PDGFRA: variants seen among roughly 807,000 people sequenced by gnomAD.
The protein encoded by PDGFRA is platelet-derived growth factor receptor alpha.
Under a neutral mutation model 121.5 loss-of-function variants are expected in PDGFRA, and 25 were observed. The observed-to-expected ratio is 0.21, with a 90% CI of 0.15 to 0.29. The LOEUF (loss-of-function observed/expected upper bound fraction) is 0.29. Ranked by LOEUF, PDGFRA falls within the 10% of genes least tolerant of loss-of-function variation. PDGFRA has a pLI of 1.00. For synonymous variants in PDGFRA, 463 were observed against 494.8 expected, an observed-to-expected ratio of 0.94 and a Z score of 0.85; for missense variants, 1,008 against 1,345.1, an observed-to-expected ratio of 0.75 and a Z score of 3.92.
chr4:54,295,528 G>A lies in PDGFRA; in HGVS notation c.*256G>A. On this transcript the variant is annotated 3_prime_UTR_variant, in exon 23 of 23. Coordinates refer to ENST00000257290, the MANE Select transcript of PDGFRA (RefSeq NM_006206.6). Reference sequence around the variant, plus strand: ...GAAGTTTGGAGATAGATGGATAAGGGAATAATAGGCCACAGAAGGTGAACT... The same window carrying A: ...GAAGTTTGGAGATAGATGGATAAGGAAATAATAGGCCACAGAAGGTGAACT... The A allele has an allele frequency of 1.9e-6, 1 of 516,900 alleles. No homozygotes were observed. Among genetic ancestry groups the A allele is most frequent in the South Asian group, 2.2e-5 (1 of 46,332 alleles). The allele number at this position is 516,900 out of a possible 1,614,324, so 32.0% of individuals were successfully genotyped here.
rs199863464 is a variant in PDGFRA, at chr4:54,244,324, G to C, written c.-12-14433G>C. Among the ~76,000 whole-genome samples, 18 of 152,252 alleles carry C rather than the reference G, an allele frequency of 1.2e-4. No homozygotes were observed. In the East Asian group the frequency reaches 2.9e-3, roughly 25 times the overall value. ...CTAACTGGGAGGCACCCCCTAGTAG[G>C]GGCAGACTGACACCTCACACAGCCG... On this transcript the variant is annotated intron_variant, in intron 1 of 22. Coordinates refer to ENST00000257290, the MANE Select transcript of PDGFRA (RefSeq NM_006206.6).
intron 5 of PDGFRA, among the ~76,000 whole-genome samples, chr4:54,266,704 G>A (rs1034410030): frequency 6.6e-6 from 1 of 152,060 alleles, no homozygotes; most frequent in Non-Finnish European, 1.5e-5. Context: ...AAATGGGCTG[G>A]GTGTGGTGGC....
Position 54,256,825 on chromosome 4 carries a change from C to T in PDGFRA, c.-12-1932C>T, listed in dbSNP as rs139656134. Among the ~76,000 whole-genome samples, 944 of 152,036 alleles carry T rather than the reference C, an allele frequency of 6.2e-3. 6 individuals carry two copies. The highest frequency in any genetic ancestry group is 0.051 in the Middle Eastern group (15 of 294). ...CCTAGGAGTTCAAGACTAGCCTGGA[C>T]AACATAGTGAGACCTCATCTCTACA... On this transcript the variant is annotated intron_variant, in intron 1 of 22. Coordinates refer to ENST00000257290, the MANE Select transcript of PDGFRA (RefSeq NM_006206.6).
chr4:54,267,181 T>G (rs2110264042), intron 5 of PDGFRA, 108 bp from the exon 6 acceptor site: 1 of 1,071,058 alleles, frequency 9.3e-7, no homozygotes, highest in Admixed American at 1.7e-5. Flanking sequence ...TTATAACTGC[T>G]GAACCTCCAT....
intron 22 of PDGFRA, among the ~76,000 whole-genome samples, chr4:54,292,073 G>C (rs1724661048): frequency 6.6e-6 from 1 of 152,196 alleles, no homozygotes; most frequent in Non-Finnish European, 1.5e-5. Context: ...GTTGGTTGGA[G>C]TGTAAATTAG....
At chr4:54,270,601 T>C (rs1248519754) in intron 7 of PDGFRA, 32 bp from the exon 8 acceptor site, 3 of 1,174,740 alleles carry the variant, frequency 2.6e-6, no homozygotes, top group African/African-American at 3.0e-5. Flanking sequence ...ACTTAGCTAC[T>C]GCTTGTTGAA....
At chr4:54,242,893 T>C (rs771987614) in intron 1 of PDGFRA, among the ~76,000 whole-genome samples, 4 of 152,184 alleles carry the variant, frequency 2.6e-5, no homozygotes, top group African/African-American at 4.8e-5. Flanking sequence ...CTGCTCTGTT[T>C]ACGTCACATT....
intron 12 of PDGFRA, chr4:54,277,071 AGGC>A: frequency 2.4e-6 from 1 of 416,652 alleles, no homozygotes; most frequent in South Asian, 2.5e-5. Context: ...AGAGCCCCGA[AGGC>A]AAGAGGATCC....
At position 54,239,692 on chromosome 4, in the gene PDGFRA, GGCCTCTGGCTTAGCAGCCTGATAGCA is replaced by G. The variant is rs1237096633; in HGVS notation, c.-13+10283_-13+10308del. On this transcript the variant is annotated intron_variant, in intron 1 of 22. Transcript: ENST00000257290. ...TGGACAGATGGGAAAGTGGCTGTGA[GGCCTCTGGCTTAGCAGCCTGATAGCA>G]GCCTCCTGTTGTCTGGGTGCCCCAG... Among the ~76,000 whole-genome samples the G allele has an allele frequency of 5.9e-5, 9 of 152,182 alleles. No homozygotes were observed. In the South Asian group the frequency reaches 6.2e-4, roughly 11 times the overall value.
chr4:54,248,982 T>C (rs377271665), intron 1 of PDGFRA, among the ~76,000 whole-genome samples: 10 of 152,324 alleles, frequency 6.6e-5, no homozygotes, highest in Admixed American at 3.3e-4. Context: ...TCACCATCAC[T>C]GGCCATCAGA....
chr4:54,293,105 T>TTGCTA (rs1724711698), intron 22 of PDGFRA, among the ~76,000 whole-genome samples: 2 of 152,224 alleles, frequency 1.3e-5, no homozygotes, highest in African/African-American at 4.8e-5. Context: ...TTGCACTTGG[T>TTGCTA]TGCTATGTCT....
intron 1 of PDGFRA, among the ~76,000 whole-genome samples, chr4:54,234,585 A>C (rs2110172903): frequency 6.6e-6 from 1 of 152,386 alleles, no homozygotes; most frequent in East Asian, 1.9e-4. Flanking sequence ...GGCTACAAGA[A>C]TTGCTGGAAG....
At chr4:54,263,994 ATTT>A (rs138257527) in intron 4 of PDGFRA, 67 bp downstream of exon 4, 161 of 1,200,738 alleles carry the variant, frequency 1.3e-4, no homozygotes, top group Middle Eastern at 4.3e-4. Context: ...TGCGTGTAGG[ATTT>A]TTTTTTTTTT....
At chr4:54,287,315 G>A (rs1724408395) in intron 18 of PDGFRA, 115 bp from the exon 19 acceptor site, 1 of 763,054 alleles carries the variant, frequency 1.3e-6, no homozygotes, top group Non-Finnish European at 2.4e-6. Flanking sequence ...ACTCAAATGG[G>A]ACAAGATAAT....
chr4:54,271,162 G>C (rs1429019951), intron 8 of PDGFRA, among the ~76,000 whole-genome samples: 2 of 152,156 alleles, frequency 1.3e-5, no homozygotes, highest in Non-Finnish European at 2.9e-5. Flanking sequence ...GATGACCTTA[G>C]ATTGTTCTGG....
chr4:54,265,309 A>G, intron 5 of PDGFRA: 1 of 435,830 alleles, frequency 2.3e-6, no homozygotes, highest in South Asian at 2.3e-5. Flanking sequence ...CAGAAGTCAG[A>G]CAGAAATAGG....
intron 8 of PDGFRA, among the ~76,000 whole-genome samples, chr4:54,271,305 G>A (rs1195855642): frequency 6.6e-6 from 1 of 152,190 alleles, no homozygotes; most frequent in Non-Finnish European, 1.5e-5. Context: ...TGTCTGAGGT[G>A]CGCTCATGTG....
intron 5 of PDGFRA, 77 bp from the exon 6 acceptor site, chr4:54,267,212 G>A: frequency 7.4e-7 from 1 of 1,343,120 alleles, no homozygotes; most frequent in Non-Finnish European, 1.1e-6. Flanking sequence ...ATATCATCCA[G>A]AGTCCATAGT....
At chr4:54,271,997 TCCCCCC>T (rs796419512) in intron 8 of PDGFRA, among the ~76,000 whole-genome samples, 1 of 15,362 alleles carries the variant, frequency 6.5e-5, no homozygotes, top group African/African-American at 4.2e-4. Flanking sequence ...CCCTCCCCCC[TCCCCCC>T]CTCCCCTCCC....
Sources: gnomAD v4.1 joint callset for allele counts (sites outside exome capture counted in the v4.1 genomes callset) on GRCh38, gnomAD v4.1.1 for gene constraint, MANE v1.5 for transcripts, NCBI Gene and HGNC (gene_info 2026-07-23, HGNC 2026-07-21) for gene names.